ESRRB: variants seen among roughly 807,000 people sequenced by gnomAD.
ESRRB encodes estrogen related receptor beta, also known as steroid hormone receptor ERR2.
A neutral mutation model predicts 46.0 loss-of-function variants in ESRRB; 16 were observed. The observed-to-expected ratio is 0.35, with a 90% CI of 0.24 to 0.53. The LOEUF (loss-of-function observed/expected upper bound fraction) is 0.53, where lower values mean the gene tolerates loss of function less well. ESRRB is among the 20% of genes least tolerant of loss of function. ESRRB has a pLI of 0.93. For missense variants in ESRRB, 488 were observed against 607.4 expected (o/e 0.80, Z 2.07); for synonymous variants, 246 against 259.6 (o/e 0.95, Z 0.50).
At chr14:76,333,614 C>A (rs955940966) in intron 1 of ESRRB, among the ~76,000 whole-genome samples, 1 of 149,610 alleles carries the variant, frequency 6.7e-6, no homozygotes, top group Non-Finnish European at 1.5e-5. Context: ...AGGCATGAGC[C>A]ACTGTACTAG....
Position 76,482,673 on chromosome 14 carries a change from A to G in ESRRB, c.764A>G (p.Glu255Gly). ...GCCATGCCTCCCCCTGGTATGCCTG[A>G]GGGGGACATCAAGGCCCTGACCACT... ...LYAMPPPGMPEGDIKALTTLC... is the reference protein window; with the variant it reads ...LYAMPPPGMPGGDIKALTTLC... The change falls in exon 5 of 7, where the codon GAG becomes GGG. Residue 255 changes from glutamate to glycine, a missense_variant. By Grantham distance (98) the Glu-to-Gly change is moderately conservative. Transcript: ENST00000644823. The surrounding 1 kb of genome is among the most constrained non-coding windows in gnomAD (Gnocchi z 4.3). The G allele has an allele frequency of 6.2e-7, 1 of 1,614,100 alleles. No homozygotes were observed. Among genetic ancestry groups the G allele is most frequent in the Middle Eastern group, 1.7e-4 (1 of 6,060 alleles).
chr14:76,379,344 G>T (rs933071817), intron 1 of ESRRB, among the ~76,000 whole-genome samples: 10 of 152,116 alleles, frequency 6.6e-5, no homozygotes, highest in Admixed American at 2.6e-4. Context: ...AGAGCAAGGG[G>T]GGCTATCTTC....
At chr14:76,478,262 C>G (rs1012126197) in intron 3 of ESRRB, among the ~76,000 whole-genome samples, 1 of 152,258 alleles carries the variant, frequency 6.6e-6, no homozygotes, top group Non-Finnish European at 1.5e-5. Flanking sequence ...GAAGAAGCCC[C>G]CAGCCTGGCA....
intron 1 of ESRRB, among the ~76,000 whole-genome samples, chr14:76,339,502 G>A (rs1343318302): frequency 6.6e-6 from 1 of 152,174 alleles, no homozygotes; most frequent in Non-Finnish European, 1.5e-5. Flanking sequence ...CTCCACCTCA[G>A]ATGTGTGTAT....
intron 1 of ESRRB, among the ~76,000 whole-genome samples, chr14:76,333,111 A>ATATTATATATTATATATT (rs1321753217): frequency 9.4e-5 from 1 of 10,594 alleles, no homozygotes; most frequent in Non-Finnish European, 1.5e-4. Context: ...TATAATATAT[A>ATATTATATATTATATATT]ATATATAATA....
chr14:76,490,073 G>C (rs1182889757), intron 5 of ESRRB, among the ~76,000 whole-genome samples: 9 of 152,200 alleles, frequency 5.9e-5, no homozygotes, highest in African/African-American at 2.2e-4. Context: ...GTCTAAGTCA[G>C]CAAATGAAGT....
At chr14:76,475,380 A>G (rs959954474) in intron 3 of ESRRB, among the ~76,000 whole-genome samples, 19 of 152,016 alleles carry the variant, frequency 1.2e-4, no homozygotes, top group Non-Finnish European at 2.8e-4. Flanking sequence ...AAAAAAAAAA[A>G]AAAGAAAGAA....
At chr14:76,396,493 T>G (rs749522998) in intron 1 of ESRRB, among the ~76,000 whole-genome samples, 5 of 152,190 alleles carry the variant, frequency 3.3e-5, no homozygotes, top group Admixed American at 6.5e-5. Flanking sequence ...TATTCTATAA[T>G]GAAAACAATT....
chr14:76,379,475 C>T (rs972419811), intron 1 of ESRRB, among the ~76,000 whole-genome samples: 8 of 151,976 alleles, frequency 5.3e-5, no homozygotes, highest in East Asian at 1.9e-4. Context: ...GTCAGTGACC[C>T]GGAGAAAAAC....
At chr14:76,313,121 TA>T (rs1041594863) in intron 1 of ESRRB, among the ~76,000 whole-genome samples, 1 of 149,758 alleles carries the variant, frequency 6.7e-6, no homozygotes, top group Admixed American at 6.6e-5. Flanking sequence ...TCAGGTGAGA[TA>T]GGGGCTTGTC....
In ESRRB at chr14:76,449,561, GA is replaced by G. The variant is rs1045844829; in HGVS notation, c.460+9819del. ...CAAGACTCAGTCTCAAAAAAAAAAA[GA>G]AAAAAAAGTTTGTTTTTATTTACTC... On this transcript the variant is annotated intron_variant, in intron 2 of 6. Transcript: ENST00000644823. Among the ~76,000 whole-genome samples the G allele has an allele frequency of 9.3e-5, 14 of 150,698 alleles. No homozygotes were observed. The East Asian group carries it at 9.7e-4, about 10-fold the overall frequency.
At chr14:76,487,852 C>A (rs940492861) in intron 5 of ESRRB, among the ~76,000 whole-genome samples, 5 of 152,228 alleles carry the variant, frequency 3.3e-5, no homozygotes, top group African/African-American at 1.2e-4. Flanking sequence ...GATCCTCCCA[C>A]CTCAGCCCCC....
intron 1 of ESRRB, among the ~76,000 whole-genome samples, chr14:76,432,659 ATT>A (rs1887501520): frequency 9.0e-6 from 1 of 111,152 alleles, no homozygotes; most frequent in Non-Finnish European, 1.7e-5. Flanking sequence ...TGAATAAGCT[ATT>A]TCTCTCTCTC....
chr14:76,482,848 G>T lies in ESRRB; in HGVS notation c.850+89G>T. 1 of 1,511,708 alleles carries T rather than the reference G, an allele frequency of 6.6e-7. No homozygotes were observed. The highest frequency in any genetic ancestry group is 9.1e-7 in the Non-Finnish European group (1 of 1,096,290). The allele number at this position is 1,511,708 out of a possible 1,614,324, so 93.6% of individuals were successfully genotyped here. Reference sequence around the variant, plus strand: ...CCCAATGGCTGTGCTTCTGATGCCCGGATCCTGGACCCCAGAAGGCCTGTG... The same window carrying T: ...CCCAATGGCTGTGCTTCTGATGCCCTGATCCTGGACCCCAGAAGGCCTGTG... On this transcript the variant is annotated intron_variant, in intron 5 of 6. Transcript: ENST00000644823. This position sits in a 1 kb window ranked among gnomAD's most constrained non-coding sequence, Gnocchi z 4.3.
At chr14:76,381,997 G>C (rs560721698) in intron 1 of ESRRB, among the ~76,000 whole-genome samples, 1 of 152,212 alleles carries the variant, frequency 6.6e-6, no homozygotes, top group South Asian at 2.1e-4. Flanking sequence ...TATCATCAAG[G>C]GTCCTAACAG....
chr14:76,447,748 G>A (rs1182867777), intron 2 of ESRRB, among the ~76,000 whole-genome samples: 2 of 151,960 alleles, frequency 1.3e-5, no homozygotes, highest in African/African-American at 4.8e-5. Context: ...TAACATCCCA[G>A]TGGCCAAGTC....
chr14:76,493,985 C>T (rs1303871866), intron 6 of ESRRB, among the ~76,000 whole-genome samples: 1 of 152,172 alleles, frequency 6.6e-6, no homozygotes, highest in Non-Finnish European at 1.5e-5. Flanking sequence ...AAGCCGAGGT[C>T]CCATCTTTGC....
At chr14:76,356,840 C>T (rs1181455677) in intron 1 of ESRRB, among the ~76,000 whole-genome samples, 1 of 152,248 alleles carries the variant, frequency 6.6e-6, no homozygotes, top group Non-Finnish European at 1.5e-5. Flanking sequence ...TTTTAACTCA[C>T]TCTTATTCTC....
At chr14:76,388,175 CTTTTTTT>C (rs35368784) in intron 1 of ESRRB, among the ~76,000 whole-genome samples, 5 of 118,258 alleles carry the variant, frequency 4.2e-5, no homozygotes, top group African/African-American at 1.4e-4. Flanking sequence ...TTCTTTCATT[CTTTTTTT>C]TTTTTTTTTT....
Sources: allele counts gnomAD v4.1 joint callset (sites outside exome capture counted in the v4.1 genomes callset), GRCh38; gene constraint gnomAD v4.1.1; non-coding constraint Gnocchi (gnomAD v3.1); transcripts MANE v1.5; gene names NCBI Gene and HGNC (gene_info 2026-07-23, HGNC 2026-07-21).